The following NDUFAF6 variants were observed in gnomAD, a reference collection of about 807,000 sequenced individuals.
NDUFAF6 encodes NADH:ubiquinone oxidoreductase complex assembly factor 6.
In NDUFAF6, 45 loss-of-function variants were observed where a neutral mutation model predicts 40.8. The observed-to-expected ratio is 1.10, with a 90% CI of 0.87 to 1.42. The LOEUF is 1.42. Ranked by LOEUF, NDUFAF6 falls within the 40% of genes most tolerant of loss-of-function variation. The pLI is 0.00. For missense variants in NDUFAF6, 435 were observed against 418.5 expected, an observed-to-expected ratio of 1.04 and a Z score of -0.34; for synonymous variants, 185 against 155.9, an observed-to-expected ratio of 1.19 and a Z score of -1.39.
chr8:94,907,349 T>C (rs1818458385), intron 1 of NDUFAF6, among the ~76,000 whole-genome samples: 1 of 152,240 alleles, frequency 6.6e-6, no homozygotes, highest in African/African-American at 2.4e-5. Context: ...CACTGCTGAA[T>C]GCATATGTGA....
At chr8:95,052,309 C>A in intron 8 of NDUFAF6, 79 bp downstream of exon 8, 1 of 1,451,724 alleles carries the variant, frequency 6.9e-7, no homozygotes, top group Non-Finnish European at 9.7e-7. Flanking sequence ...ATAAAGTTCC[C>A]AATGAACTTC....
intron 2 of NDUFAF6, among the ~76,000 whole-genome samples, chr8:95,004,517 AT>A (rs199788315): frequency 0.01 from 1,528 of 151,838 alleles, 26 homozygotes; most frequent in African/African-American, 0.035. Flanking sequence ...TGCCCAACTA[AT>A]TTTTTATATT....
chr8:94,915,394 G>A (rs530081195), intron 1 of NDUFAF6, among the ~76,000 whole-genome samples: 8 of 152,260 alleles, frequency 5.3e-5, no homozygotes, highest in South Asian at 2.1e-4. Flanking sequence ...TGCAAAGAAC[G>A]TATTTTTGTT....
chr8:95,027,252 A>T (rs1411279143), intron 1 of NDUFAF6, among the ~76,000 whole-genome samples: 2 of 151,986 alleles, frequency 1.3e-5, no homozygotes, highest in African/African-American at 4.8e-5. Flanking sequence ...GAGAGTATTA[A>T]TCCCAGCTCT....
chr8:95,033,753 G>A (rs1829143700), intron 2 of NDUFAF6, among the ~76,000 whole-genome samples: 1 of 152,172 alleles, frequency 6.6e-6, no homozygotes, highest in Non-Finnish European at 1.5e-5. Flanking sequence ...CAGATATGTG[G>A]GCAAAGAGTA....
rs1047092037 is a variant in NDUFAF6 at position 95,057,993 on chromosome 8, A to T, written c.*56A>T. The T allele has an allele frequency of 6.5e-7, 1 of 1,527,612 alleles. No homozygotes were observed. Among genetic ancestry groups the T allele is most frequent in the African/African-American group, 1.4e-5 (1 of 72,240 alleles). 94.6% of individuals were successfully genotyped at this position (1,527,612 alleles called of 1,614,324 possible). A position where few individuals can be genotyped will look rare whatever the true frequency, so the allele number is the denominator to read the frequency against. Reference sequence around the variant, plus strand: ...GTCTATTAGTTTTATAAAAGTTAGGATTCTTATTTAGGAACAACAGGAAAT... The same window carrying T: ...GTCTATTAGTTTTATAAAAGTTAGGTTTCTTATTTAGGAACAACAGGAAAT... On this transcript the variant is annotated 3_prime_UTR_variant, in exon 9 of 9. Transcript: ENST00000396124.
intron 1 of NDUFAF6, among the ~76,000 whole-genome samples, chr8:94,935,535 A>T (rs1820895797): frequency 6.6e-6 from 1 of 152,256 alleles, no homozygotes; most frequent in Admixed American, 6.5e-5. Context: ...GGCAATAGAC[A>T]GATTGATTAA....
chr8:95,073,850 G>A (rs1173653836), intron 9 of NDUFAF6, among the ~76,000 whole-genome samples: 3 of 152,086 alleles, frequency 2.0e-5, no homozygotes, highest in African/African-American at 7.2e-5. Flanking sequence ...ATCCCAACCT[G>A]ATGTCCTAAT....
At chr8:95,076,873 CAAAAA>C (rs35168202), downstream of NDUFAF6, among the ~76,000 whole-genome samples, 4 of 128,994 alleles carry the variant, frequency 3.1e-5, no homozygotes, top group Non-Finnish European at 6.4e-5. Flanking sequence ...AACTCCGTCT[CAAAAA>C]AAAAAAAAAA....
intron 1 of NDUFAF6, chr8:94,927,667 TAA>T (rs1408547089): frequency 1.3e-5 from 2 of 152,052 alleles, no homozygotes; most frequent in African/African-American, 2.4e-5. Flanking sequence ...AAAATAAACA[TAA>T]GATATATATT....
chr8:94,904,346 TTTTTTTTTTTTA>T, intron 1 of NDUFAF6, among the ~76,000 whole-genome samples: 2 of 100,952 alleles, frequency 2.0e-5, no homozygotes, highest in East Asian at 2.5e-4. Context: ...TTTTTTTTTT[TTTTTTTTTTTTA>T]GTAAAGACAG....
chr8:95,061,628 A>G (rs1832573616), downstream of NDUFAF6, among the ~76,000 whole-genome samples: 1 of 152,226 alleles, frequency 6.6e-6, no homozygotes, highest in Admixed American at 6.5e-5. Context: ...GACTCTCCAA[A>G]TGAGAAAGAT....
chr8:95,024,853 T>A, upstream of NDUFAF6: 1 of 633,216 alleles, frequency 1.6e-6, no homozygotes, highest in Non-Finnish European at 2.3e-6. Context: ...GCGGCCCAGA[T>A]GCAGAGGACC....
At chr8:94,931,971 C>CA (rs570658727) in intron 1 of NDUFAF6, 135 of 1,262,252 alleles carry the variant, frequency 1.1e-4, no homozygotes, top group Non-Finnish European at 1.3e-4. Context: ...GACTCCATCT[C>CA]AAAAAAAGAA....
intron 1 of NDUFAF6, among the ~76,000 whole-genome samples, chr8:94,925,784 C>G (rs899734986): frequency 6.6e-6 from 1 of 152,184 alleles, no homozygotes; most frequent in African/African-American, 2.4e-5. Context: ...AAGCGATGTG[C>G]CTGCCTTGGC....
chr8:95,010,409 C>T (rs1169493956), intron 2 of NDUFAF6, among the ~76,000 whole-genome samples: 1 of 152,126 alleles, frequency 6.6e-6, no homozygotes, highest in Non-Finnish European at 1.5e-5. Flanking sequence ...TTCAAGGGCT[C>T]TATGGACATA....
intron 2 of NDUFAF6, among the ~76,000 whole-genome samples, chr8:94,994,545 A>AT (rs1247925422): frequency 6.6e-6 from 1 of 151,838 alleles, no homozygotes; most frequent in African/African-American, 2.4e-5. Flanking sequence ...AAAAAAAAAA[A>AT]AAAGAAGATG....
chr8:94,967,455 T>A (rs752652725), intron 1 of NDUFAF6, among the ~76,000 whole-genome samples: 3 of 152,196 alleles, frequency 2.0e-5, no homozygotes, highest in Non-Finnish European at 4.4e-5. Flanking sequence ...GTACCTACTG[T>A]GTGCCAGGTT....
downstream of NDUFAF6, among the ~76,000 whole-genome samples, chr8:95,062,756 A>G (rs1832602375): frequency 6.6e-6 from 1 of 152,222 alleles, no homozygotes; most frequent in Admixed American, 6.5e-5. Context: ...TCACTTAGCC[A>G]TATTACTTGA....
Sources: allele counts gnomAD v4.1 joint callset (sites outside exome capture counted in the v4.1 genomes callset), GRCh38; gene constraint gnomAD v4.1.1; transcripts MANE v1.5; gene names NCBI Gene and HGNC (gene_info 2026-07-23, HGNC 2026-07-21).